The following SRGAP3 variants were observed in gnomAD, a reference collection of about 807,000 sequenced individuals.
SRGAP3 encodes the protein SLIT-ROBO Rho GTPase activating protein 3, also known as SLIT-ROBO Rho GTPase-activating protein 3.
SRGAP3 carries 39 observed loss-of-function variants against 121.1 expected under a neutral mutation model. The observed-to-expected ratio is 0.32, with a 90% confidence interval of 0.25 to 0.42. The LOEUF (loss-of-function observed/expected upper bound fraction) is 0.42. Among genes scored for constraint, SRGAP3 ranks in the 10% least tolerant of loss-of-function variants. The probability of loss-of-function intolerance (pLI) is 1.00; values close to 1 mark genes in which losing one functional copy is unlikely to be tolerated. For missense variants in SRGAP3, 1,213 were observed against 1,470.6 expected (o/e 0.82, Z 2.86); for synonymous variants, 601 against 570.0 (o/e 1.05, Z -0.77).
intron 1 of SRGAP3, among the ~76,000 whole-genome samples, chr3:9,237,882 G>A (rs1388808698): frequency 2.0e-5 from 3 of 152,220 alleles, no homozygotes; most frequent in Non-Finnish European, 4.4e-5. Context: ...ACAGATTACT[G>A]CTGGCTGCTG....
intron 11 of SRGAP3, chr3:9,034,378 G>A (rs896879028): frequency 1.3e-5 from 2 of 152,160 alleles, no homozygotes; most frequent in Non-Finnish European, 2.9e-5. Context: ...TTCTGTGAGC[G>A]GGCAAGAAAT....
At chr3:9,262,839 A>G (rs1954283141) in intron 3 of SRGAP3, among the ~76,000 whole-genome samples, 1 of 152,190 alleles carries the variant, frequency 6.6e-6, no homozygotes, top group Non-Finnish European at 1.5e-5. Flanking sequence ...AAGGATATTC[A>G]GGACTTGAAC....
At chr3:9,032,211 T>C (rs896762063) in intron 12 of SRGAP3, among the ~76,000 whole-genome samples, 3 of 152,126 alleles carry the variant, frequency 2.0e-5, no homozygotes, top group African/African-American at 7.2e-5. Flanking sequence ...AAAATTCACG[T>C]GTATAAAAAC....
At chr3:9,115,361 G>A (rs915826009) in intron 2 of SRGAP3, among the ~76,000 whole-genome samples, 5 of 152,176 alleles carry the variant, frequency 3.3e-5, no homozygotes, top group Non-Finnish European at 7.3e-5. Context: ...ATTACTGTTT[G>A]TGAAAATCTA....
rs538835683 is a variant in SRGAP3, at chr3:9,302,753, A to G, written n.442+23257T>C. ...CTTGGCCGGATCCTATCCCGGGGGA[A>G]GAGCGCCACCTGGCGAACCGCTCTG... On this transcript the variant is annotated intron_variant and non_coding_transcript_variant, in intron 3 of 3. Coordinates refer to the SRGAP3 transcript ENST00000490889. Among the ~76,000 whole-genome samples the G allele has an allele frequency of 2.0e-5, 3 of 152,276 alleles. No homozygotes were observed. In the East Asian group the frequency reaches 5.8e-4, roughly 29 times the overall value.
Position 9,095,022 on chromosome 3 carries a change from G to A in SRGAP3, c.423+9658C>T, listed in dbSNP as rs532465776. Among the ~76,000 whole-genome samples the A allele has an allele frequency of 2.6e-3, 400 of 152,076 alleles. 3 individuals are homozygous for A. Among genetic ancestry groups the A allele is most frequent in the African/African-American group, 9.2e-3 (380 of 41,504 alleles). ...AGCAATCCTCCCACCTCAGCCTCCC[G>A]AAGTGCTGAGATTACAGGTGTGAGC... On this transcript the variant is annotated intron_variant, in intron 3 of 21. Transcript: ENST00000383836.
At chr3:9,068,117 G>A (rs929438480) in intron 4 of SRGAP3, among the ~76,000 whole-genome samples, 6 of 152,048 alleles carry the variant, frequency 3.9e-5, no homozygotes, top group South Asian at 2.1e-4. Flanking sequence ...TCCCATCCCC[G>A]TCTGCGTTCA....
intron 3 of SRGAP3, chr3:9,081,241 C>T (rs772681009): frequency 3.9e-5 from 18 of 456,580 alleles, no homozygotes; most frequent in African/African-American, 3.0e-4. Flanking sequence ...CCTGGTCTGC[C>T]TAATCTCATC....
intron 1 of SRGAP3, among the ~76,000 whole-genome samples, chr3:9,129,100 T>A (rs928138820): frequency 6.6e-6 from 1 of 152,194 alleles, no homozygotes; most frequent in Non-Finnish European, 1.5e-5. Context: ...GACACATTTT[T>A]AAAAATTTTT....
chr3:9,144,548 T>A (rs1949961558), intron 1 of SRGAP3, among the ~76,000 whole-genome samples: 2 of 152,230 alleles, frequency 1.3e-5, no homozygotes. Context: ...GGTAGTTGAA[T>A]CATGGGGGCC....
intron 3 of SRGAP3, among the ~76,000 whole-genome samples, chr3:9,303,738 T>C (rs773304187): frequency 6.6e-6 from 1 of 152,254 alleles, no homozygotes; most frequent in Non-Finnish European, 1.5e-5. Context: ...TTGAAAAGTC[T>C]ACAATAATAA....
At chr3:9,298,575 C>T (rs1954993970) in intron 3 of SRGAP3, among the ~76,000 whole-genome samples, 1 of 152,094 alleles carries the variant, frequency 6.6e-6, no homozygotes, top group Admixed American at 6.6e-5. Context: ...GTACCCTTTC[C>T]ATAAATCTTG....
At position 9,099,214 on chromosome 3, in the gene SRGAP3, C is replaced by T. The variant is rs1257070452; in HGVS notation, c.423+5466G>A. Among the ~76,000 whole-genome samples the T allele has an allele frequency of 2.6e-5, 4 of 152,196 alleles. No individual in the cohort carries two copies. In the East Asian group the frequency reaches 7.7e-4, roughly 29 times the overall value. On this transcript the variant is annotated intron_variant, in intron 3 of 21. Transcript: ENST00000383836. ...GAGAAAACTCACTCAAGACCAAGTC[C>T]TTGTTGCCACACAGTGAATGGCTGC... is the stretch of plus-strand genomic sequence containing the variant.
intron 12 of SRGAP3, 87 bp downstream of exon 12, chr3:9,032,563 G>C (rs981282243): frequency 3.0e-5 from 38 of 1,256,214 alleles, no homozygotes; most frequent in Non-Finnish European, 3.8e-5. Context: ...GCCAAGGACA[G>C]GGCTGTCTGC....
intron 3 of SRGAP3, among the ~76,000 whole-genome samples, chr3:9,095,300 T>C (rs1325721599): frequency 2.0e-5 from 3 of 152,080 alleles, no homozygotes; most frequent in Non-Finnish European, 4.4e-5. Context: ...AATTAATCAA[T>C]ATTTTCTTTT....
chr3:9,215,909 A>G (rs1952601328), intron 1 of SRGAP3, among the ~76,000 whole-genome samples: 1 of 152,172 alleles, frequency 6.6e-6, no homozygotes, highest in Non-Finnish European at 1.5e-5. Context: ...GATTCCCTGG[A>G]TCTCCAGCTT....
intron 1 of SRGAP3, among the ~76,000 whole-genome samples, chr3:9,243,747 C>A (rs1450467369): frequency 6.6e-6 from 1 of 152,022 alleles, no homozygotes; most frequent in East Asian, 1.9e-4. Flanking sequence ...GGAAAATTGG[C>A]TGAGGCCCCT....
At chr3:9,128,527 T>C (rs529230016) in intron 1 of SRGAP3, among the ~76,000 whole-genome samples, 1 of 152,216 alleles carries the variant, frequency 6.6e-6, no homozygotes, top group Non-Finnish European at 1.5e-5. Context: ...TTCAGGTAAC[T>C]TTGATGGATG....
intron 1 of SRGAP3, among the ~76,000 whole-genome samples, chr3:9,233,433 T>A (rs1307168224): frequency 6.6e-6 from 1 of 152,232 alleles, no homozygotes; most frequent in Non-Finnish European, 1.5e-5. Context: ...GATTCCTGGC[T>A]TTAATTTCAC....
Sources: allele counts gnomAD v4.1 joint callset (sites outside exome capture counted in the v4.1 genomes callset), GRCh38; gene constraint gnomAD v4.1.1; transcripts MANE v1.5; gene names NCBI Gene and HGNC (gene_info 2026-07-23, HGNC 2026-07-21).